The following PLEKHA2 variants were observed in gnomAD, a reference collection of about 807,000 sequenced individuals.
The protein encoded by PLEKHA2 is pleckstrin homology domain-containing family A member 2.
A neutral mutation model predicts 53.2 loss-of-function variants in PLEKHA2; 28 were observed. The ratio of observed to expected loss-of-function variants is 0.53; its 90% CI spans 0.39 to 0.72. The LOEUF (loss-of-function observed/expected upper bound fraction) is 0.72, where lower values mean the gene tolerates loss of function less well. Among genes scored for constraint, PLEKHA2 ranks in the 30% least tolerant of loss-of-function variants. The pLI is 0.00. For missense variants in PLEKHA2, 426 were observed against 537.9 expected, an observed-to-expected ratio of 0.79 and a Z score of 2.06; for synonymous variants, 193 against 196.4, an observed-to-expected ratio of 0.98 and a Z score of 0.14.
intron 9 of PLEKHA2, among the ~76,000 whole-genome samples, chr8:38,954,578 C>T (rs1834903364): frequency 6.6e-6 from 1 of 152,130 alleles, no homozygotes; most frequent in South Asian, 2.1e-4. Flanking sequence ...AAGTCAGGGA[C>T]TAGCAGGGAA....
intron 10 of PLEKHA2, among the ~76,000 whole-genome samples, chr8:38,965,144 G>A (rs1214464261): frequency 6.6e-6 from 1 of 152,158 alleles, no homozygotes; most frequent in Non-Finnish European, 1.5e-5. Context: ...AAGAATAATA[G>A]TGGTATTTTG....
At chr8:38,920,177 G>T (rs954621484) in intron 2 of PLEKHA2, among the ~76,000 whole-genome samples, 3 of 152,044 alleles carry the variant, frequency 2.0e-5, no homozygotes, top group Admixed American at 1.3e-4. Context: ...TTGAGACGGG[G>T]TCTCTCTCTG....
intron 2 of PLEKHA2, among the ~76,000 whole-genome samples, chr8:38,920,979 T>TTAG (rs1357100277): frequency 6.6e-6 from 1 of 152,098 alleles, no homozygotes; most frequent in East Asian, 1.9e-4. Flanking sequence ...TTTTGTATTT[T>TTAG]TAGTAGAGAC....
chr8:38,963,894 G>T (rs1835085368), intron 10 of PLEKHA2, among the ~76,000 whole-genome samples: 1 of 152,124 alleles, frequency 6.6e-6, no homozygotes, highest in Non-Finnish European at 1.5e-5. Flanking sequence ...AATTAGGGAA[G>T]AAATATAACT....
At chr8:38,943,941 A>G (rs1455872442) in intron 4 of PLEKHA2, 104 bp downstream of exon 4, 2 of 876,788 alleles carry the variant, frequency 2.3e-6, no homozygotes, top group African/African-American at 1.7e-5. Flanking sequence ...CCCTGTGAGT[A>G]TGAGTGACTT....
chr8:38,969,637 T>TGAAG lies in PLEKHA2; in HGVS notation c.1132_1133insGAAG (p.Leu378Ter), dbSNP rs1321733647. The stretch of plus-strand genomic sequence containing the variant: ...ACCTGGAGACACTTCAGAGGACTCC[T>TGAAG]TGTTCACGCCTCGTCCTGGGGAGGG... On this transcript the variant is annotated stop_gained and frameshift_variant, in exon 12 of 12. Transcript: ENST00000617275. LOFTEE classifies it high-confidence loss of function. The TGAAG allele has an allele frequency of 6.2e-7, 1 of 1,602,548 alleles. No homozygotes were observed. Among genetic ancestry groups the TGAAG allele is most frequent in the Non-Finnish European group, 8.5e-7 (1 of 1,174,710 alleles).
intron 10 of PLEKHA2, among the ~76,000 whole-genome samples, chr8:38,958,948 T>C (rs2129423649): frequency 6.6e-6 from 1 of 151,996 alleles, no homozygotes; most frequent in African/African-American, 2.4e-5. Flanking sequence ...TTGCAGACAG[T>C]GAAACGATTC....
intron 4 of PLEKHA2, among the ~76,000 whole-genome samples, chr8:38,945,111 G>C (rs1356734783): frequency 1.3e-5 from 2 of 152,226 alleles, no homozygotes; most frequent in Non-Finnish European, 2.9e-5. Context: ...GAAGTGGTCA[G>C]TGAATTCAGT....
chr8:38,944,681 C>T (rs777581039), intron 4 of PLEKHA2, among the ~76,000 whole-genome samples: 12 of 151,964 alleles, frequency 7.9e-5, no homozygotes, highest in Non-Finnish European at 1.6e-4. Context: ...ACCGCCCCCA[C>T]GACCCATCAT....
intron 2 of PLEKHA2, among the ~76,000 whole-genome samples, chr8:38,920,618 C>T (rs562030490): frequency 6.7e-6 from 1 of 148,510 alleles, no homozygotes; most frequent in East Asian, 2.1e-4. Flanking sequence ...GTTGCCCAGG[C>T]TGGAGTGCAG....
chr8:38,957,180 C>T (rs181585004), intron 9 of PLEKHA2, 143 bp from the exon 10 acceptor site: 120 of 590,154 alleles, frequency 2.0e-4, no homozygotes, highest in Non-Finnish European at 3.1e-4. Flanking sequence ...TTTTTCAAGG[C>T]AGGAGCTGAA....
At chr8:38,952,350 G>A (rs1191179820) in intron 7 of PLEKHA2, 38 bp downstream of exon 7, 5 of 1,602,130 alleles carry the variant, frequency 3.1e-6, no homozygotes, top group Admixed American at 3.4e-5. Flanking sequence ...GGGTTCTGGT[G>A]ACTCCTCAGA....
In PLEKHA2 at chr8:38,918,067, C is replaced by G. The variant is rs558637962; in HGVS notation, c.138C>G (p.Pro46=). ...GCCTCCTCTGGTATATGGACAACCC[C>G]CAGGTGAGAGGGTCAGTGGGAAGGG... ...ANCLLWYMDN[P]QNLAMGAGAV... is the part of the protein sequence containing the mutation. The change falls in exon 2 of 12, where the codon CCC becomes CCG. Residue 46 remains proline, a synonymous_variant. Coordinates refer to ENST00000617275, the MANE Select transcript of PLEKHA2 (RefSeq NM_021623.2). The G allele has an allele frequency of 6.2e-7, 1 of 1,612,460 alleles. No individual in the cohort carries two copies. Among genetic ancestry groups the G allele is most frequent in the Non-Finnish European group, 8.5e-7 (1 of 1,179,212 alleles).
At chr8:38,942,419 A>G (rs773211946) in intron 3 of PLEKHA2, among the ~76,000 whole-genome samples, 20 of 151,906 alleles carry the variant, frequency 1.3e-4, no homozygotes, top group Non-Finnish European at 2.8e-4. Flanking sequence ...GGCTCAAGTG[A>G]TCCTCCAGCT....
Position 38,917,917 on chromosome 8 carries a change from G to A in PLEKHA2, c.-13G>A. ...CCCTCCTGCGCGCAGGGTGATGTGAGCAGAGCCCAGGAATGCCTTATGTGG... is the reference window on the plus strand; with the variant it reads ...CCCTCCTGCGCGCAGGGTGATGTGAACAGAGCCCAGGAATGCCTTATGTGG... On this transcript the variant is annotated 5_prime_UTR_variant, in exon 2 of 12. Transcript: ENST00000617275. 1 of 1,613,410 alleles carries A rather than the reference G, an allele frequency of 6.2e-7. No homozygotes were observed. The highest frequency in any genetic ancestry group is 1.3e-5 in the African/African-American group (1 of 75,012).
intron 2 of PLEKHA2, among the ~76,000 whole-genome samples, chr8:38,921,506 A>G (rs1417064955): frequency 6.6e-6 from 1 of 152,084 alleles, no homozygotes; most frequent in Non-Finnish European, 1.5e-5. Flanking sequence ...TTGAATATTG[A>G]CGGTTGTCAG....
chr8:38,954,807 C>T (rs572709204), intron 9 of PLEKHA2, among the ~76,000 whole-genome samples: 121 of 152,106 alleles, frequency 8.0e-4, no homozygotes, highest in Middle Eastern at 3.2e-3. Flanking sequence ...CCGAGGCGGG[C>T]GGATCACCTG....
chr8:38,918,681 C>T (rs111462070), intron 2 of PLEKHA2, among the ~76,000 whole-genome samples: 1,648 of 147,950 alleles, frequency 0.011, 33 homozygotes, highest in African/African-American at 0.04. Flanking sequence ...ACACACACCC[C>T]CACGCACACC....
At chr8:38,927,592 A>C (rs1834311459) in intron 2 of PLEKHA2, among the ~76,000 whole-genome samples, 1 of 152,150 alleles carries the variant, frequency 6.6e-6, no homozygotes, top group Admixed American at 6.6e-5. Flanking sequence ...GGAGGGGTTC[A>C]TATTAGATTT....
Sources: gnomAD v4.1 joint callset for allele counts (sites outside exome capture counted in the v4.1 genomes callset) on GRCh38, gnomAD v4.1.1 for gene constraint, MANE v1.5 for transcripts, NCBI Gene and HGNC (gene_info 2026-07-23, HGNC 2026-07-21) for gene names.